The following CRYBG1 variants were observed in gnomAD, a reference collection of about 807,000 sequenced individuals.
CRYBG1 encodes the protein beta/gamma crystallin domain-containing protein 1.
CRYBG1 carries 139 observed loss-of-function variants against 189.2 expected under a neutral mutation model. That is an observed-to-expected ratio of 0.73 (90% CI 0.64 to 0.85). The LOEUF is 0.85. Ranked by LOEUF, CRYBG1 falls within the 40% of genes least tolerant of loss-of-function variation. The pLI is 0.00. For synonymous variants in CRYBG1, 1,023 were observed against 1,017.1 expected (o/e 1.01, Z -0.11); for missense variants, 2,611 against 2,675.8 (o/e 0.98, Z 0.53).
intron 1 of CRYBG1, among the ~76,000 whole-genome samples, chr6:106,386,057 C>A (rs564085574): frequency 6.6e-6 from 1 of 152,122 alleles, no homozygotes; most frequent in South Asian, 2.1e-4. Context: ...CTCCACGTGG[C>A]GAAGCAGTTT....
intron 1 of CRYBG1, among the ~76,000 whole-genome samples, chr6:106,440,663 G>A (rs1463978219): frequency 6.6e-6 from 1 of 152,144 alleles, no homozygotes; most frequent in African/African-American, 2.4e-5. Flanking sequence ...AGTAAAGCTA[G>A]TGATGCATTT....
chr6:106,492,200 T>C (rs953810518), intron 2 of CRYBG1, among the ~76,000 whole-genome samples: 5 of 152,372 alleles, frequency 3.3e-5, no homozygotes, highest in Admixed American at 1.3e-4. Flanking sequence ...GGTTGTTTTA[T>C]AGACAAGCCT....
At chr6:106,405,639 G>A (rs1397048613) in intron 1 of CRYBG1, among the ~76,000 whole-genome samples, 2 of 152,210 alleles carry the variant, frequency 1.3e-5, no homozygotes, top group African/African-American at 4.8e-5. Context: ...GGAGAGCTCT[G>A]GCTGGCATCT....
intron 2 of CRYBG1, among the ~76,000 whole-genome samples, chr6:106,486,612 G>GAT (rs972458700): frequency 7.8e-4 from 119 of 151,916 alleles, no homozygotes; most frequent in Middle Eastern, 3.4e-3. Context: ...TCTGGTATTG[G>GAT]ATATATATAT....
chr6:106,405,354 G>A (rs1304679360), intron 1 of CRYBG1, among the ~76,000 whole-genome samples: 1 of 152,226 alleles, frequency 6.6e-6, no homozygotes, highest in African/African-American at 2.4e-5. Context: ...TCTGGGCAGG[G>A]CATCTCTGAA....
At chr6:106,495,470 T>C (rs891454245) in intron 2 of CRYBG1, among the ~76,000 whole-genome samples, 1 of 152,060 alleles carries the variant, frequency 6.6e-6, no homozygotes, top group Non-Finnish European at 1.5e-5. Context: ...TTTGGACTTA[T>C]ATAGTATTAT....
intron 2 of CRYBG1, among the ~76,000 whole-genome samples, chr6:106,488,926 G>A (rs1772653841): frequency 6.6e-6 from 1 of 152,144 alleles, no homozygotes; most frequent in Non-Finnish European, 1.5e-5. Flanking sequence ...GTGCTGTAGT[G>A]GCTTAGATCC....
chr6:106,461,855 G>A (rs1772013390), intron 2 of CRYBG1, among the ~76,000 whole-genome samples: 1 of 152,128 alleles, frequency 6.6e-6, no homozygotes, highest in Admixed American at 6.5e-5. Context: ...AATCGCAGCA[G>A]GAACATTGAC....
intron 3 of CRYBG1, among the ~76,000 whole-genome samples, chr6:106,517,095 G>A (rs1002530041): frequency 2.1e-5 from 3 of 139,870 alleles, no homozygotes; most frequent in Admixed American, 7.6e-5. Flanking sequence ...CTGCAGCCTT[G>A]ATCTTCTGGA....
At chr6:106,437,465 ACT>A (rs1443619958) in intron 1 of CRYBG1, among the ~76,000 whole-genome samples, 2 of 151,782 alleles carry the variant, frequency 1.3e-5, no homozygotes, top group African/African-American at 2.4e-5. Context: ...ATAGCATCTC[ACT>A]CTGTCACCCA....
At chr6:106,368,416 G>A (rs1190305699) in intron 1 of CRYBG1, among the ~76,000 whole-genome samples, 3 of 152,190 alleles carry the variant, frequency 2.0e-5, no homozygotes. Context: ...ATCGTTTGAA[G>A]CTTGAATGGT....
At chr6:106,495,857 C>T (rs913313850) in intron 2 of CRYBG1, among the ~76,000 whole-genome samples, 2 of 149,394 alleles carry the variant, frequency 1.3e-5, no homozygotes, top group African/African-American at 4.9e-5. Context: ...CCCCTGCCCC[C>T]TTTTCAAATT....
At chr6:106,375,453 G>C (rs1346434289) in intron 1 of CRYBG1, among the ~76,000 whole-genome samples, 1 of 148,070 alleles carries the variant, frequency 6.8e-6, no homozygotes, top group Non-Finnish European at 1.5e-5. Flanking sequence ...AAATAAAAGA[G>C]AGCATTGGCA....
intron 1 of CRYBG1, among the ~76,000 whole-genome samples, chr6:106,423,251 G>GTTTTTTTTTTTTTTTTTTTTTTTTT (rs5878887): frequency 2.5e-5 from 2 of 80,872 alleles, no homozygotes; most frequent in Non-Finnish European, 4.6e-5. Context: ...GAGTTGGCTG[G>GTTTTTTTTTTTTTTTTTTTTTTTTT]TTTTTTTTTT....
intron 4 of CRYBG1, among the ~76,000 whole-genome samples, chr6:106,521,711 CTTTTTTTTTTTT>C (rs397976859): frequency 2.8e-5 from 2 of 72,170 alleles, no homozygotes; most frequent in African/African-American, 1.2e-4. Flanking sequence ...GGCACATGAT[CTTTTTTTTTTTT>C]TTTTTTTTTT....
intron 1 of CRYBG1, among the ~76,000 whole-genome samples, chr6:106,445,345 ACTCT>A (rs1412076647): frequency 1.2e-4 from 19 of 152,054 alleles, no homozygotes; most frequent in Non-Finnish European, 2.5e-4. Flanking sequence ...TCTACTCCTA[ACTCT>A]GTCATTAGCC....
chr6:106,527,588 A>G (rs1773770574), intron 7 of CRYBG1, 118 bp downstream of exon 7: 2 of 1,035,966 alleles, frequency 1.9e-6, no homozygotes, highest in East Asian at 5.0e-5. Flanking sequence ...TGCCTTATGG[A>G]TATATTTTCT....
intron 1 of CRYBG1, among the ~76,000 whole-genome samples, chr6:106,365,205 G>T (rs1191763255): frequency 1.3e-5 from 2 of 152,100 alleles, no homozygotes; most frequent in East Asian, 3.9e-4. Flanking sequence ...GAGGCGGGTG[G>T]ATCACCTGAG....
chr6:106,536,443 C>T lies in CRYBG1; in HGVS notation c.4719-2960C>T, dbSNP rs78405795. Among the ~76,000 whole-genome samples, 662 of 152,176 alleles carry T rather than the reference C, an allele frequency of 4.4e-3. 14 individuals are homozygous for T. In the East Asian group the frequency reaches 0.062, roughly 14 times the overall value. ...TTGTGAATAACCTCAAAGTCAGTACCTTCATATTTAATTTTTCAAGTATCC... is the reference window on the plus strand; with the variant it reads ...TTGTGAATAACCTCAAAGTCAGTACTTTCATATTTAATTTTTCAAGTATCC... On this transcript the variant is annotated intron_variant, in intron 8 of 21. Coordinates refer to ENST00000633556, the MANE Select transcript of CRYBG1 (RefSeq NM_001371242.2).
Sources: allele counts gnomAD v4.1 joint callset (sites outside exome capture counted in the v4.1 genomes callset), GRCh38; gene constraint gnomAD v4.1.1; transcripts MANE v1.5; gene names NCBI Gene and HGNC (gene_info 2026-07-23, HGNC 2026-07-21).